WDR4: variants seen among roughly 807,000 people sequenced by gnomAD.
The protein encoded by WDR4 is WDR4 tRNA N7-guanosine methyltransferase non-catalytic subunit, also known as tRNA (guanine-N(7)-)-methyltransferase non-catalytic subunit WDR4.
Under a neutral mutation model 48.6 loss-of-function variants are expected in WDR4, and 47 were observed. That is an observed-to-expected ratio of 0.97 (90% CI 0.77 to 1.23). The LOEUF (loss-of-function observed/expected upper bound fraction) is 1.23. Among genes scored for constraint, WDR4 ranks in the 50% most tolerant of loss-of-function variants. WDR4 has a pLI of 0.00. For synonymous variants in WDR4, 268 were observed against 230.0 expected (o/e 1.17, Z -1.49); for missense variants, 606 against 551.6 (o/e 1.10, Z -0.99).
intron 1 of WDR4, 150 bp downstream of exon 1, chr21:42,879,257 A>C (rs1354460337): frequency 7.3e-7 from 1 of 1,366,094 alleles, no homozygotes; most frequent in Non-Finnish European, 9.5e-7. Context: ...CCAGGCCGAG[A>C]CTGCGGCGGA....
upstream of WDR4, among the ~76,000 whole-genome samples, chr21:42,881,054 C>T (rs904140700): frequency 6.0e-4 from 91 of 152,168 alleles, no homozygotes; most frequent in African/African-American, 2.0e-3. Context: ...TACAGGCGCC[C>T]GCCACCACGC....
At chr21:42,849,004 C>T (rs1232233918), downstream of WDR4, among the ~76,000 whole-genome samples, 1 of 147,284 alleles carries the variant, frequency 6.8e-6, no homozygotes, top group Non-Finnish European at 1.5e-5. Flanking sequence ...ACCTCACACA[C>T]AGCGCACGAT....
At chr21:42,857,451 C>G (rs960926207) in intron 6 of WDR4, among the ~76,000 whole-genome samples, 1 of 152,208 alleles carries the variant, frequency 6.6e-6, no homozygotes, top group African/African-American at 2.4e-5. Context: ...CCGGCTGGTG[C>G]TGACTCCCAT....
chr21:42,882,515 A>T (rs566355534), upstream of WDR4, among the ~76,000 whole-genome samples: 2 of 151,968 alleles, frequency 1.3e-5, no homozygotes, highest in Admixed American at 6.6e-5. Context: ...GTGAGCCAAG[A>T]TCACCCATTG....
chr21:42,843,523 G>A (rs9325612), intron 11 of WDR4, among the ~76,000 whole-genome samples: 53,849 of 146,720 alleles, frequency 0.37, 11,269 homozygotes, highest in East Asian at 0.67. Flanking sequence ...TGATCCTCCC[G>A]CCTCAGCCTC....
At chr21:42,885,458 A>C in the WDR4 span, among the ~76,000 whole-genome samples, 318 of 152,178 alleles carry the variant, frequency 2.1e-3, 1 homozygote, top group Middle Eastern at 0.014. Flanking sequence ...TAAAAATACA[A>C]AATTAGCCGG....
At chr21:42,876,594 G>T in intron 2 of WDR4, 108 bp downstream of exon 2, 1 of 1,060,630 alleles carries the variant, frequency 9.4e-7, no homozygotes, top group Non-Finnish European at 1.4e-6. Context: ...ACCACTGTGT[G>T]ACAGAAGCTA....
intron 3 of WDR4, among the ~76,000 whole-genome samples, chr21:42,870,552 C>A (rs1439803728): frequency 6.8e-6 from 1 of 146,974 alleles, no homozygotes; most frequent in Admixed American, 6.7e-5. Context: ...CTTTGGGGGA[C>A]TGAGACAGGT....
chr21:42,843,349 G>A (rs1451516340), intron 11 of WDR4: 1 of 151,294 alleles, frequency 6.6e-6, no homozygotes, highest in African/African-American at 2.4e-5. Flanking sequence ...CCATATGCTC[G>A]AGGGTATTTT....
At position 42,863,555 on chromosome 21, in the gene WDR4, G is replaced by A. The variant is rs770041614; in HGVS notation, c.338C>T (p.Ser113Leu). ...RRCTALTFIA[S>L]EEKVLVADKS... Reference sequence around the variant, plus strand: ...GTCGGCCACCAAGACCTTCTCCTCCGAGGCTATGAAAGTCAGGGCTGTACA... The same window carrying A: ...GTCGGCCACCAAGACCTTCTCCTCCAAGGCTATGAAAGTCAGGGCTGTACA... The change falls in exon 4 of 11, where the codon TCG becomes TTG. Residue 113 changes from serine (S) to leucine (L), a missense_variant. Physicochemically the swap from Ser to Leu is moderately radical, Grantham distance 145 (BLOSUM62 -2). Transcript: ENST00000398208. 22 of 1,613,750 alleles carry A rather than the reference G, an allele frequency of 1.4e-5. No homozygotes were observed. The highest frequency in any genetic ancestry group is 2.2e-5 in the East Asian group (1 of 44,846).
the WDR4 span, among the ~76,000 whole-genome samples, chr21:42,887,235 G>A: frequency 2.6e-5 from 4 of 151,636 alleles, no homozygotes; most frequent in African/African-American, 7.3e-5. Flanking sequence ...CAGGTGATCC[G>A]CCCACCTTGG....
At chr21:42,866,544 T>C (rs1253282671) in intron 3 of WDR4, among the ~76,000 whole-genome samples, 1 of 152,158 alleles carries the variant, frequency 6.6e-6, no homozygotes, top group Non-Finnish European at 1.5e-5. Flanking sequence ...GAGTCTGAGA[T>C]CTAAGAGGCA....
At chr21:42,850,921 C>A (rs984348740) in intron 10 of WDR4, among the ~76,000 whole-genome samples, 1 of 152,208 alleles carries the variant, frequency 6.6e-6, no homozygotes, top group Admixed American at 6.5e-5. Flanking sequence ...ACAGGCCCAG[C>A]CGGTAACCCG....
At chr21:42,864,744 C>G (rs1358896563) in intron 3 of WDR4, among the ~76,000 whole-genome samples, 2 of 152,210 alleles carry the variant, frequency 1.3e-5, no homozygotes, top group African/African-American at 4.8e-5. Flanking sequence ...TACACTACTT[C>G]CTGGGGCTCT....
intron 9 of WDR4, among the ~76,000 whole-genome samples, chr21:42,853,337 T>G (rs1602696965): frequency 6.6e-6 from 1 of 152,146 alleles, no homozygotes; most frequent in Non-Finnish European, 1.5e-5. Flanking sequence ...AAAAAAGAAC[T>G]GTTGCAGACA....
At chr21:42,859,838 G>C in intron 5 of WDR4, 116 bp from the exon 6 acceptor site, 1 of 1,084,386 alleles carries the variant, frequency 9.2e-7, no homozygotes, top group Non-Finnish European at 1.4e-6. Context: ...TAAACCCCCT[G>C]ATCCAATAAA....
At chr21:42,875,916 C>CTTTTTTTTTTTT (rs71194083) in intron 2 of WDR4, among the ~76,000 whole-genome samples, 10 of 104,904 alleles carry the variant, frequency 9.5e-5, no homozygotes, top group Non-Finnish European at 1.3e-4. Flanking sequence ...TAACACTGTG[C>CTTTTTTTTTTTT]TTTTTTTTTT....
At chr21:42,875,477 C>A (rs2058469577) in intron 2 of WDR4, among the ~76,000 whole-genome samples, 1 of 152,142 alleles carries the variant, frequency 6.6e-6, no homozygotes. Flanking sequence ...ACCACTTAAA[C>A]CAGGGAGGTG....
intron 6 of WDR4, among the ~76,000 whole-genome samples, chr21:42,856,992 G>C (rs954264519): frequency 5.3e-5 from 8 of 152,164 alleles, no homozygotes; most frequent in Non-Finnish European, 8.8e-5. Flanking sequence ...CTGGGGGCTG[G>C]AGGCCAGGGA....
Sources: allele counts gnomAD v4.1 joint callset (sites outside exome capture counted in the v4.1 genomes callset), GRCh38; gene constraint gnomAD v4.1.1; transcripts MANE v1.5; gene names NCBI Gene and HGNC (gene_info 2026-07-23, HGNC 2026-07-21).